The following FREM3 variants were observed in gnomAD, a reference collection of about 807,000 sequenced individuals.
The protein encoded by FREM3 is FRAS1-related extracellular matrix protein 3.
In FREM3, 105 loss-of-function variants were observed where a neutral mutation model predicts 129.1. The ratio of observed to expected loss-of-function variants is 0.81; its 90% CI spans 0.69 to 0.96. The LOEUF is 0.96. Ranked by LOEUF, FREM3 falls within the 40% of genes least tolerant of loss-of-function variation. The pLI is 0.00. For synonymous variants in FREM3, 1,014 were observed against 1,044.9 expected (o/e 0.97, Z 0.57); for missense variants, 2,593 against 2,666.3 (o/e 0.97, Z 0.61).
intron 2 of FREM3, among the ~76,000 whole-genome samples, chr4:143,661,820 G>C (rs539721290): frequency 1.1e-4 from 16 of 152,306 alleles, no homozygotes; most frequent in Admixed American, 2.0e-4. Flanking sequence ...AGTCTTGGGA[G>C]GGTGTATGTG....
At position 143,641,369 on chromosome 4, in the gene FREM3, G is replaced by C. The variant is rs1739318835; in HGVS notation, c.5276-13609C>G. ...TAAAAATAAAGTTCTACTGAACACA[G>C]CCCAGGTTTTAGAACCAAGTGTATT... On this transcript the variant is annotated intron_variant, in intron 2 of 7. Transcript: ENST00000329798. Among the ~76,000 whole-genome samples the C allele has an allele frequency of 2.0e-5, 3 of 152,172 alleles. No individual in the cohort carries two copies. In the South Asian group the frequency reaches 6.2e-4, roughly 32 times the overall value.
chr4:143,605,846 C>T (rs1236660151), intron 6 of FREM3, among the ~76,000 whole-genome samples: 1 of 152,102 alleles, frequency 6.6e-6, no homozygotes, highest in African/African-American at 2.4e-5. Context: ...CTTACTACTT[C>T]GTAAACAAAG....
At chr4:143,674,203 C>A (rs1384807702) in intron 2 of FREM3, among the ~76,000 whole-genome samples, 1 of 152,206 alleles carries the variant, frequency 6.6e-6, no homozygotes, top group Non-Finnish European at 1.5e-5. Flanking sequence ...TCTGCAGAAA[C>A]TCTACAAGCC....
chr4:143,685,281 C>T (rs1272679131), intron 2 of FREM3, among the ~76,000 whole-genome samples: 1 of 152,148 alleles, frequency 6.6e-6, no homozygotes, highest in Non-Finnish European at 1.5e-5. Context: ...AAAAACCTAT[C>T]AGATTAACAG....
intron 2 of FREM3, among the ~76,000 whole-genome samples, chr4:143,650,599 T>C (rs1739493619): frequency 6.6e-6 from 1 of 152,210 alleles, no homozygotes; most frequent in Non-Finnish European, 1.5e-5. Flanking sequence ...CAAGCTGTCC[T>C]CCCACCTCAG....
At chr4:143,594,036 G>A (rs1479202261) in intron 6 of FREM3, among the ~76,000 whole-genome samples, 2 of 152,234 alleles carry the variant, frequency 1.3e-5, no homozygotes, top group African/African-American at 4.8e-5. Context: ...CCATGTGCAG[G>A]ATATAATCTC....
In FREM3 at chr4:143,695,843, G is replaced by T; in HGVS notation, c.4833C>A (p.Asp1611Glu). ...LNKNLISYKH[D>E]GSETTEDSFS... is the part of the protein sequence containing the mutation. ...AACTATCTTCAGTGGTCTCACTGCC[G>T]TCATGCTTGTAGCTAATCAGGTTCT... Residue 1611 changes from aspartate to glutamate, a missense_variant, in exon 1 of 8, where the codon GAC (aspartate) becomes GAA (glutamate). By Grantham distance (45) the Asp-to-Glu change is conservative (BLOSUM62 2). Transcript: ENST00000329798. 1.3e-6 allele frequency: 2 copies of T among 1,537,372 alleles called. No individual in the cohort carries two copies. Among genetic ancestry groups the T allele is most frequent in the South Asian group, 2.4e-5 (2 of 84,060 alleles).
Position 143,644,096 on chromosome 4 carries a change from G to A in FREM3, c.5276-16336C>T, listed in dbSNP as rs114292638. 4.9e-3 allele frequency among the ~76,000 whole-genome samples: 739 copies of A among 152,082 alleles called. 11 individuals are homozygous for A. The highest frequency in any genetic ancestry group is 0.016 in the African/African-American group (684 of 41,508). On this transcript the variant is annotated intron_variant, in intron 2 of 7. Coordinates refer to ENST00000329798, the MANE Select transcript of FREM3 (RefSeq NM_001168235.2). ...ACGATGATCAGGAGCATCCAAACAC[G>A]GACAGAAATTGACAAGAGAACAATC...
At chr4:143,682,949 G>C (rs1173439625) in intron 2 of FREM3, among the ~76,000 whole-genome samples, 1 of 152,104 alleles carries the variant, frequency 6.6e-6, no homozygotes, top group Non-Finnish European at 1.5e-5. Context: ...ATCTGGGTAG[G>C]CCCAGTGTAT....
chr4:143,690,136 C>T (rs967615250), intron 2 of FREM3, among the ~76,000 whole-genome samples: 5 of 152,046 alleles, frequency 3.3e-5, no homozygotes, highest in Admixed American at 2.6e-4. Context: ...TTGGTTCAAG[C>T]CACTAAGTTT....
In FREM3 at chr4:143,697,842, A is replaced by T; in HGVS notation, c.2834T>A (p.Ile945Asn). 1 of 1,537,684 alleles carries T rather than the reference A, an allele frequency of 6.5e-7. No individual in the cohort carries two copies. The highest frequency in any genetic ancestry group is 2.4e-5 in the East Asian group (1 of 40,908). ...CAATAATGAACTACTTCTGAGAGAG[A>T]TCCTAGGACTTCTGTTAGCCACATT... ...HPNVANRSPR[I>N]SLRSSSLLDV... The change falls in exon 1 of 8, where the codon ATC (isoleucine) becomes AAC (asparagine). Residue 945 changes from isoleucine to asparagine, a missense_variant. Physicochemically the swap from Ile to Asn is moderately radical, Grantham distance 149. Transcript: ENST00000329798.
At chr4:143,672,017 G>T (rs1036674313) in intron 2 of FREM3, among the ~76,000 whole-genome samples, 1 of 152,168 alleles carries the variant, frequency 6.6e-6, no homozygotes, top group Admixed American at 6.5e-5. Context: ...ACATAGAGTT[G>T]TCAAGGTTCC....
intron 6 of FREM3, among the ~76,000 whole-genome samples, chr4:143,608,956 C>A (rs1039149170): frequency 1.3e-4 from 20 of 152,148 alleles, no homozygotes; most frequent in Admixed American, 8.5e-4. Flanking sequence ...AATGGAAAAA[C>A]TCAGCCTACA....
At chr4:143,664,466 C>G (rs1413539731) in intron 2 of FREM3, among the ~76,000 whole-genome samples, 2 of 152,060 alleles carry the variant, frequency 1.3e-5, no homozygotes, top group African/African-American at 4.8e-5. Flanking sequence ...AGAGGAGTAC[C>G]CTGCCGTGTG....
chr4:143,585,016 C>T lies in FREM3; in HGVS notation c.6178+828G>A, dbSNP rs1173958996. ...TTACATGGAAATTAAACAGCCTGCT[C>T]CTGAATGACTTCTGGGTAAACAATG... On this transcript the variant is annotated intron_variant, in intron 7 of 7. Coordinates refer to ENST00000329798, the MANE Select transcript of FREM3 (RefSeq NM_001168235.2). The surrounding 1 kb of genome is among the most constrained non-coding windows in gnomAD (Gnocchi z 4.2). 6.6e-6 allele frequency among the ~76,000 whole-genome samples: 1 copy of T among 152,176 alleles called. No individual in the cohort carries two copies. Among genetic ancestry groups the T allele is most frequent in the Non-Finnish European group, 1.5e-5 (1 of 68,024 alleles).
intron 5 of FREM3, among the ~76,000 whole-genome samples, chr4:143,614,055 G>C (rs1214316827): frequency 6.6e-6 from 1 of 151,884 alleles, no homozygotes; most frequent in Non-Finnish European, 1.5e-5. Context: ...TTGATTTCTG[G>C]GTTAAATGAA....
chr4:143,624,021 T>C (rs1739001673), intron 4 of FREM3, 87 bp downstream of exon 4: 1 of 731,306 alleles, frequency 1.4e-6, no homozygotes, highest in African/African-American at 1.8e-5. Context: ...ATTTAGTGGC[T>C]TACAGAGCCT....
intron 2 of FREM3, among the ~76,000 whole-genome samples, chr4:143,642,231 G>A (rs1312909959): frequency 2.0e-5 from 3 of 152,108 alleles, no homozygotes; most frequent in Admixed American, 6.6e-5. Context: ...ACTACCCAAA[G>A]CAATCTACAG....
chr4:143,622,357 G>A (rs1738965935), intron 4 of FREM3, among the ~76,000 whole-genome samples: 3 of 149,132 alleles, frequency 2.0e-5, no homozygotes, highest in African/African-American at 7.4e-5. Flanking sequence ...GCCTCCTAAA[G>A]TGCTGGGATT....
Sources: gnomAD v4.1 joint callset for allele counts (sites outside exome capture counted in the v4.1 genomes callset) on GRCh38, gnomAD v4.1.1 for gene constraint, Gnocchi (gnomAD v3.1) non-coding constraint, MANE v1.5 for transcripts, NCBI Gene and HGNC (gene_info 2026-07-23, HGNC 2026-07-21) for gene names.